Variants in LRRTM4 observed in about 807,000 individuals in gnomAD.
LRRTM4 encodes the protein leucine rich repeat transmembrane neuronal 4, also known as leucine-rich repeat transmembrane neuronal protein 4.
Under a neutral mutation model 47.6 loss-of-function variants are expected in LRRTM4, and 25 were observed. The ratio of observed to expected loss-of-function variants is 0.53; its 90% CI spans 0.38 to 0.73. The LOEUF (loss-of-function observed/expected upper bound fraction) is 0.73, where lower values mean the gene tolerates loss of function less well. Among genes scored for constraint, LRRTM4 ranks in the 30% least tolerant of loss-of-function variants. The pLI, the probability that LRRTM4 is intolerant of heterozygous loss-of-function variation, is 0.00. For synonymous variants in LRRTM4, 311 were observed against 269.5 expected (o/e 1.15, Z -1.51); for missense variants, 638 against 713.4 (o/e 0.89, Z 1.20).
intron 3 of LRRTM4, among the ~76,000 whole-genome samples, chr2:76,786,603 C>A (rs986347753): frequency 6.6e-6 from 1 of 152,126 alleles, no homozygotes; most frequent in South Asian, 2.1e-4. Flanking sequence ...AAAACCAAAA[C>A]AAAGCTAAGA....
chr2:77,223,337 T>C (rs1452575126), intron 3 of LRRTM4, among the ~76,000 whole-genome samples: 2 of 152,102 alleles, frequency 1.3e-5, no homozygotes, highest in Non-Finnish European at 2.9e-5. Flanking sequence ...CTATTCAACA[T>C]AGTGTTGGAC....
chr2:76,904,754 T>C (rs1558727507), intron 3 of LRRTM4, among the ~76,000 whole-genome samples: 1 of 152,068 alleles, frequency 6.6e-6, no homozygotes, highest in Non-Finnish European at 1.5e-5. Context: ...CAGAGCAACA[T>C]CAAATGTAAC....
intron 3 of LRRTM4, among the ~76,000 whole-genome samples, chr2:77,177,940 A>G (rs1190488665): frequency 6.6e-6 from 1 of 152,168 alleles, no homozygotes; most frequent in Non-Finnish European, 1.5e-5. Context: ...CCTTTTGGGG[A>G]ACTTTTATTA....
At chr2:76,801,263 C>G (rs1415843625) in intron 3 of LRRTM4, among the ~76,000 whole-genome samples, 2 of 151,914 alleles carry the variant, frequency 1.3e-5, no homozygotes, top group Non-Finnish European at 2.9e-5. Context: ...TGGAACCAAC[C>G]CAAATGTCCA....
intron 3 of LRRTM4, among the ~76,000 whole-genome samples, chr2:76,972,688 G>C (rs1436851757): frequency 6.6e-6 from 1 of 151,970 alleles, no homozygotes; most frequent in Non-Finnish European, 1.5e-5. Context: ...CCAAAGTGCT[G>C]GGATTACAGG....
intron 3 of LRRTM4, among the ~76,000 whole-genome samples, chr2:76,792,003 T>C (rs774714646): frequency 6.6e-6 from 1 of 152,176 alleles, no homozygotes; most frequent in Non-Finnish European, 1.5e-5. Context: ...TTTCCAGTTT[T>C]CTCCATTATA....
intron 3 of LRRTM4, among the ~76,000 whole-genome samples, chr2:77,076,784 A>G (rs1680350880): frequency 1.3e-5 from 2 of 152,182 alleles, no homozygotes; most frequent in African/African-American, 4.8e-5. Flanking sequence ...TGTCCAAAGT[A>G]TCGATGAATG....
chr2:76,956,674 AAATC>A (rs750971620), intron 3 of LRRTM4, among the ~76,000 whole-genome samples: 9 of 151,166 alleles, frequency 6.0e-5, no homozygotes, highest in African/African-American at 1.2e-4. Context: ...ATTTTTTGAA[AAATC>A]AATCAGTTGA....
chr2:76,780,720 C>CAGAGT (rs1211882454), intron 3 of LRRTM4, among the ~76,000 whole-genome samples: 1 of 152,136 alleles, frequency 6.6e-6, no homozygotes, highest in East Asian at 1.9e-4. Context: ...TCCCGTAGCT[C>CAGAGT]AGAGTAATTT....
At chr2:77,438,630 T>G (rs985782057) in intron 3 of LRRTM4, among the ~76,000 whole-genome samples, 1 of 152,052 alleles carries the variant, frequency 6.6e-6, no homozygotes, top group Non-Finnish European at 1.5e-5. Context: ...ATGGTCTCGA[T>G]CTCCTGACCT....
chr2:77,417,672 C>G lies in LRRTM4; in HGVS notation c.1551+100646G>C, dbSNP rs1674690696. 3.3e-5 allele frequency among the ~76,000 whole-genome samples: 5 copies of G among 151,052 alleles called. No homozygotes were observed. In the South Asian group the frequency reaches 1.0e-3, roughly 32 times the overall value. The stretch of plus-strand genomic sequence containing the variant: ...GCAAACTATCACAAGGACAAAAAAC[C>G]AAGCACCGCATATTCCCACTCATAG... On this transcript the variant is annotated intron_variant, in intron 3 of 3. Transcript: ENST00000409884.
chr2:77,023,747 A>G (rs1358639046), intron 3 of LRRTM4, among the ~76,000 whole-genome samples: 2 of 152,198 alleles, frequency 1.3e-5, no homozygotes, highest in African/African-American at 4.8e-5. Context: ...AAAGCCACTC[A>G]ACAAGGCTCT....
At chr2:77,151,991 G>A (rs1672443321) in intron 3 of LRRTM4, among the ~76,000 whole-genome samples, 1 of 152,182 alleles carries the variant, frequency 6.6e-6, no homozygotes, top group African/African-American at 2.4e-5. Flanking sequence ...ATGTAGGCAA[G>A]AAGGATGAAA....
intron 3 of LRRTM4, among the ~76,000 whole-genome samples, chr2:77,306,506 A>C (rs1286143147): frequency 6.6e-6 from 1 of 152,240 alleles, no homozygotes; most frequent in East Asian, 1.9e-4. Context: ...AATGTTATGC[A>C]AATGTGATGC....
At chr2:76,896,101 T>G (rs774486352) in intron 3 of LRRTM4, among the ~76,000 whole-genome samples, 1 of 152,088 alleles carries the variant, frequency 6.6e-6, no homozygotes, top group Non-Finnish European at 1.5e-5. Flanking sequence ...ATTTATTACA[T>G]AGATGAACCC....
intron 3 of LRRTM4, among the ~76,000 whole-genome samples, chr2:77,206,642 C>A (rs893416136): frequency 6.6e-6 from 1 of 151,864 alleles, no homozygotes; most frequent in Non-Finnish European, 1.5e-5. Context: ...CGCGACCATG[C>A]CCAGCTAATT....
At chr2:77,340,391 G>A (rs963710554) in intron 3 of LRRTM4, among the ~76,000 whole-genome samples, 3 of 151,876 alleles carry the variant, frequency 2.0e-5, no homozygotes, top group Non-Finnish European at 4.4e-5. Context: ...TGTTCTATAA[G>A]ACTGCTATAA....
chr2:76,961,214 T>G (rs1318774105), intron 3 of LRRTM4, among the ~76,000 whole-genome samples: 1 of 151,454 alleles, frequency 6.6e-6, no homozygotes, highest in African/African-American at 2.4e-5. Context: ...TGGTGTCACA[T>G]GTAAATAAAT....
intron 3 of LRRTM4, among the ~76,000 whole-genome samples, chr2:77,229,007 A>C (rs943384031): frequency 1.3e-5 from 2 of 152,178 alleles, no homozygotes; most frequent in African/African-American, 4.8e-5. Flanking sequence ...ACCACCTCCA[A>C]GTTTACAAAT....
Sources: gnomAD v4.1 joint callset for allele counts (sites outside exome capture counted in the v4.1 genomes callset) on GRCh38, gnomAD v4.1.1 for gene constraint, MANE v1.5 for transcripts, NCBI Gene and HGNC (gene_info 2026-07-23, HGNC 2026-07-21) for gene names.